Variants in PCDHGB4 observed in about 807,000 individuals in gnomAD.
PCDHGB4 encodes the protein protocadherin gamma-B4.
PCDHGB4 carries 38 observed loss-of-function variants against 60.5 expected under a neutral mutation model. The ratio of observed to expected loss-of-function variants is 0.63; its 90% CI spans 0.48 to 0.82. The LOEUF (loss-of-function observed/expected upper bound fraction) is 0.82. PCDHGB4 is among the 40% of genes least tolerant of loss of function. The pLI is 0.00. For missense variants in PCDHGB4, 1,109 were observed against 1,209.6 expected (o/e 0.92, Z 1.23); for synonymous variants, 456 against 509.7 (o/e 0.89, Z 1.42).
chr5:141,424,750 A>T (rs2096838482), intron 1 of PCDHGB4: 1 of 152,114 alleles, frequency 6.6e-6, no homozygotes, highest in Admixed American at 6.5e-5. Context: ...CTTTCTTTAT[A>T]AGGTCATTCT....
chr5:141,403,318 A>G, intron 1 of PCDHGB4: 1 of 1,613,982 alleles, frequency 6.2e-7, no homozygotes, highest in Non-Finnish European at 8.5e-7. Flanking sequence ...TAGAAATAGA[A>G]GTAACTGATA....
chr5:141,482,998 T>C (rs1458221945), intron 1 of PCDHGB4, among the ~76,000 whole-genome samples: 1 of 152,008 alleles, frequency 6.6e-6, no homozygotes, highest in Non-Finnish European at 1.5e-5. Flanking sequence ...GGCAGGAGAA[T>C]TGCTTGAACC....
intron 1 of PCDHGB4, chr5:141,414,054 G>T: frequency 6.2e-7 from 1 of 1,610,250 alleles, no homozygotes; most frequent in South Asian, 1.1e-5. Context: ...ACACGCAATT[G>T]TTGAAGTTCC....
In PCDHGB4 at chr5:141,485,539, G is replaced by T; in HGVS notation, c.2398-9268G>T. 6.2e-7 allele frequency: 1 copy of T among 1,614,104 alleles called. No individual in the cohort carries two copies. Among genetic ancestry groups the T allele is most frequent in the Non-Finnish European group, 8.5e-7 (1 of 1,179,998 alleles). On this transcript the variant is annotated intron_variant, in intron 1 of 3. Coordinates refer to ENST00000519479, the MANE Select transcript of PCDHGB4 (RefSeq NM_003736.4). This position sits in a 1 kb window ranked among gnomAD's most constrained non-coding sequence, Gnocchi z 5.7. ...TGGAAATGTACCGAGCAGAGGTAGA[G>T]ATCGTAGATGTGAATGATCACGCCC...
intron 1 of PCDHGB4, among the ~76,000 whole-genome samples, chr5:141,462,829 G>T (rs770335372): frequency 4.6e-5 from 7 of 152,130 alleles, no homozygotes; most frequent in Non-Finnish European, 8.8e-5. Flanking sequence ...AGCAGACATT[G>T]TAAATGTTAT....
Position 141,388,824 on chromosome 5 carries a change from T to A in PCDHGB4, c.940T>A (p.Ser314Thr). Residue 314 changes from serine (S) to threonine (T), a missense_variant, in exon 1 of 4, where the codon TCC (serine) becomes ACC (threonine). Transcript: ENST00000519479. ...TLDFEEVKEY[S>T]IVLEARDGGG... Reference sequence around the variant, plus strand: ...AGATTTTGAAGAAGTCAAAGAATATTCCATAGTTTTGGAAGCAAGGGACGG... The same window carrying A: ...AGATTTTGAAGAAGTCAAAGAATATACCATAGTTTTGGAAGCAAGGGACGG... The A allele has an allele frequency of 6.2e-7, 1 of 1,613,960 alleles. No individual in the cohort carries two copies. The highest frequency in any genetic ancestry group is 8.5e-7 in the Non-Finnish European group (1 of 1,179,858).
chr5:141,414,624 G>C, intron 1 of PCDHGB4: 1 of 1,613,932 alleles, frequency 6.2e-7, no homozygotes, highest in Non-Finnish European at 8.5e-7. Context: ...CGCTGGACCC[G>C]GACAGCAAAG....
chr5:141,461,269 TTC>T (rs1316205976), intron 1 of PCDHGB4, among the ~76,000 whole-genome samples: 4 of 152,186 alleles, frequency 2.6e-5, no homozygotes, highest in Admixed American at 2.0e-4. Flanking sequence ...TGTGTAAGTG[TTC>T]TCTTTTCCCC....
At chr5:141,450,772 C>T (rs544188262) in intron 1 of PCDHGB4, among the ~76,000 whole-genome samples, 1 of 151,944 alleles carries the variant, frequency 6.6e-6, no homozygotes, top group African/African-American at 2.4e-5. Flanking sequence ...CAGGCATGAG[C>T]CACCGTGCCC....
intron 1 of PCDHGB4, among the ~76,000 whole-genome samples, chr5:141,405,786 T>C (rs72790035): frequency 0.064 from 9,727 of 151,196 alleles, 364 homozygotes; most frequent in African/African-American, 0.1. Context: ...CCCTTAACTT[T>C]CTATTATAGT....
At chr5:141,401,669 T>A (rs2094181201) in intron 1 of PCDHGB4, among the ~76,000 whole-genome samples, 1 of 152,234 alleles carries the variant, frequency 6.6e-6, no homozygotes, top group Admixed American at 6.5e-5. Context: ...TTTCTCAACA[T>A]CCTTGTAGGA....
intron 1 of PCDHGB4, chr5:141,394,938 G>C: frequency 6.2e-7 from 1 of 1,613,780 alleles, no homozygotes; most frequent in Admixed American, 1.7e-5. Context: ...CGCCTTTGTC[G>C]CTGTGCTTCT....
intron 1 of PCDHGB4, chr5:141,398,690 G>A (rs1258068362): frequency 1.9e-6 from 3 of 1,613,914 alleles, no homozygotes; most frequent in African/African-American, 1.3e-5. Flanking sequence ...AAACAGGATG[G>A]TAGTAAATAC....
intron 3 of PCDHGB4, among the ~76,000 whole-genome samples, chr5:141,508,646 G>A (rs1434098773): frequency 2.6e-5 from 4 of 152,014 alleles, no homozygotes; most frequent in African/African-American, 9.7e-5. Flanking sequence ...ACTCCGTCAG[G>A]CCCTTCCTGT....
At chr5:141,450,608 T>A (rs916441293) in intron 1 of PCDHGB4, among the ~76,000 whole-genome samples, 1 of 151,894 alleles carries the variant, frequency 6.6e-6, no homozygotes, top group East Asian at 1.9e-4. Flanking sequence ...TGCCTCAGCC[T>A]CCTGAGTAGC....
At chr5:141,399,856 G>A (rs1391939612) in intron 1 of PCDHGB4, 1 of 1,612,894 alleles carries the variant, frequency 6.2e-7, no homozygotes, top group Non-Finnish European at 8.5e-7. Flanking sequence ...GGTGCCGCGC[G>A]CTGCAGAGCC....
intron 1 of PCDHGB4, chr5:141,399,986 G>A (rs1400468651): frequency 6.2e-7 from 1 of 1,612,408 alleles, no homozygotes; most frequent in East Asian, 2.2e-5. Context: ...CTGCGCACAG[G>A]AGAGGTGCGC....
At chr5:141,400,003 C>G (rs2093938557) in intron 1 of PCDHGB4, 1 of 1,612,278 alleles carries the variant, frequency 6.2e-7, no homozygotes, top group Non-Finnish European at 8.5e-7. Context: ...GCGCACAGCG[C>G]GTGCCTTGGG....
intron 2 of PCDHGB4, among the ~76,000 whole-genome samples, chr5:141,503,351 C>T (rs1186394919): frequency 6.6e-6 from 1 of 151,994 alleles, no homozygotes; most frequent in Admixed American, 6.6e-5. Context: ...AATTCCAGCA[C>T]TTTGGGAAGC....
Sources: gnomAD v4.1 joint callset for allele counts (sites outside exome capture counted in the v4.1 genomes callset) on GRCh38, gnomAD v4.1.1 for gene constraint, Gnocchi (gnomAD v3.1) non-coding constraint, MANE v1.5 for transcripts, NCBI Gene and HGNC (gene_info 2026-07-23, HGNC 2026-07-21) for gene names.